KRTAP9-9: variants seen among roughly 807,000 people sequenced by gnomAD.
KRTAP9-9 encodes the protein keratin-associated protein 9-9.
In KRTAP9-9, 12 loss-of-function variants were observed where a neutral mutation model predicts 13.7. The ratio of observed to expected loss-of-function variants is 0.88; its 90% CI spans 0.56 to 1.42. The LOEUF is 1.42. KRTAP9-9 is among the 40% of genes most tolerant of loss of function. KRTAP9-9 has a pLI of 0.00. For synonymous variants in KRTAP9-9, 81 were observed against 78.1 expected, an observed-to-expected ratio of 1.04 and a Z score of -0.19; for missense variants, 194 against 206.5, an observed-to-expected ratio of 0.94 and a Z score of 0.37.
At chr17:41,256,307 T>A (rs1251659020) in exon 1 of KRTAP9-9, 3 of 252,770 alleles carry the variant, frequency 1.2e-5, no homozygotes, top group African/African-American at 6.9e-5. Context: ...TATCTCCCTA[T>A]AACCAGGGAT....
chr17:41,256,242 C>A (rs2016323466), exon 1 of KRTAP9-9: 1 of 419,452 alleles, frequency 2.4e-6, no homozygotes, highest in African/African-American at 2.0e-5. Flanking sequence ...GTTTTCTTTT[C>A]AATATACTCA....
exon 1 of KRTAP9-9, chr17:41,255,466 C>T (rs768312660): frequency 1.9e-6 from 3 of 1,588,698 alleles, no homozygotes; most frequent in South Asian, 2.2e-5. Context: ...TGACCACCTG[C>T]AGCAGCACAC....
chr17:41,255,972 C>A (rs2016316938), exon 1 of KRTAP9-9: 1 of 1,574,364 alleles, frequency 6.4e-7, no homozygotes, highest in Admixed American at 1.7e-5. Flanking sequence ...GACTAATTTA[C>A]CTTACTGCTG....
exon 1 of KRTAP9-9, chr17:41,255,401 T>C: frequency 1.6e-6 from 2 of 1,281,888 alleles, no homozygotes; most frequent in Middle Eastern, 3.1e-4. Flanking sequence ...CCACTGTTGC[T>C]CCCCTTGCTG....
exon 1 of KRTAP9-9, chr17:41,255,844 T>A (rs1333411250): frequency 1.2e-6 from 2 of 1,604,250 alleles, no homozygotes; most frequent in Non-Finnish European, 1.7e-6. Flanking sequence ...GCAGGACCAC[T>A]TGCTTCCAGC....
rs371272496 is a variant in KRTAP9-9, at chr17:41,255,694, C to T, written c.309C>T (p.Ser103=). Reference sequence around the variant, plus strand: ...GCTGTGGGTCCAGCTGTGGCCAGAGCAGCTCCTGTGCACCTGTGTACTGCA... The same window carrying T: ...GCTGTGGGTCCAGCTGTGGCCAGAGTAGCTCCTGTGCACCTGTGTACTGCA... Residue 103 remains serine, a synonymous_variant, in exon 1 of 1, where the codon AGC becomes AGT. Transcript: ENST00000394008. The T allele has an allele frequency of 1.9e-5, 31 of 1,613,778 alleles. No homozygotes were observed. In the African/African-American group the frequency reaches 3.5e-4, roughly 18 times the overall value.
chr17:41,256,243 A>T, exon 1 of KRTAP9-9: 1 of 416,984 alleles, frequency 2.4e-6, no homozygotes, highest in Non-Finnish European at 4.4e-6. Context: ...TTTTCTTTTC[A>T]ATATACTCAT....
chr17:41,255,555 G>T, exon 1 of KRTAP9-9: 2 of 1,613,844 alleles, frequency 1.2e-6, no homozygotes, highest in Non-Finnish European at 1.7e-6. Flanking sequence ...AACACCTGCT[G>T]CAGGACCACC....
exon 1 of KRTAP9-9, chr17:41,256,111 C>T (rs1455074018): frequency 1.2e-6 from 1 of 856,020 alleles, no homozygotes; most frequent in East Asian, 2.7e-5. Context: ...AATCATGTGC[C>T]AGCTTCATGT....
chr17:41,256,124 T>G (rs2016320302), exon 1 of KRTAP9-9: 1 of 785,576 alleles, frequency 1.3e-6, no homozygotes. Context: ...CTTCATGTGT[T>G]CTCAATTTTG....
chr17:41,255,828 C>T (rs374837374), exon 1 of KRTAP9-9: 119 of 1,613,366 alleles, frequency 7.4e-5, no homozygotes, highest in Non-Finnish European at 1.0e-4. Context: ...TGTGAGACCA[C>T]CTGCTGCAGG....
exon 1 of KRTAP9-9, chr17:41,255,537 G>C (rs746721867): frequency 2.2e-5 from 36 of 1,613,110 alleles, no homozygotes; most frequent in Non-Finnish European, 2.8e-5. Context: ...CGCCCAGCTT[G>C]CTGTCAAAAC....
exon 1 of KRTAP9-9, chr17:41,256,060 C>A (rs1381420187): frequency 5.7e-5 from 74 of 1,298,520 alleles, no homozygotes; most frequent in Non-Finnish European, 4.3e-6. Context: ...TGAGGGAGGG[C>A]AGAATACTTC....
exon 1 of KRTAP9-9, chr17:41,255,532 A>G (rs1163352437): frequency 6.2e-7 from 1 of 1,610,314 alleles, no homozygotes; most frequent in Non-Finnish European, 8.5e-7. Flanking sequence ...GCTGCCGCCC[A>G]GCTTGCTGTC....
exon 1 of KRTAP9-9, chr17:41,255,703 T>C: frequency 6.2e-7 from 1 of 1,613,690 alleles, no homozygotes. Context: ...GCAGCTCCTG[T>C]GCACCTGTGT....
At position 41,255,693 on chromosome 17, in the gene KRTAP9-9, G is replaced by C. The variant is rs558206578; in HGVS notation, c.308G>C (p.Ser103Thr). 2,094 of 1,613,712 alleles carry C rather than the reference G, an allele frequency of 1.3e-3. 26 individuals are homozygous for C. In the African/African-American group the frequency reaches 0.024, roughly 19 times the overall value. Residue 103 changes from serine to threonine, a missense_variant, in exon 1 of 1, where the codon AGC (serine) becomes ACC (threonine). Ser to Thr is a moderately conservative substitution (Grantham distance 58). Coordinates refer to ENST00000394008, the Ensembl canonical transcript of KRTAP9-9. ...AGCTGTGGGTCCAGCTGTGGCCAGA[G>C]CAGCTCCTGTGCACCTGTGTACTGC... is the stretch of plus-strand genomic sequence containing the variant.
chr17:41,256,067 C>A (rs2016319339), exon 1 of KRTAP9-9: 1 of 1,253,940 alleles, frequency 8.0e-7, no homozygotes, highest in East Asian at 2.4e-5. Context: ...GGGCAGAATA[C>A]TTCATCCTGA....
At chr17:41,255,574 G>C in exon 1 of KRTAP9-9, 1 of 1,613,672 alleles carries the variant, frequency 6.2e-7, no homozygotes. Context: ...CCTGCTGCCA[G>C]CCCACCTGTC....
At chr17:41,255,598 C>T (rs891248302) in exon 1 of KRTAP9-9, 20 of 1,613,634 alleles carry the variant, frequency 1.2e-5, no homozygotes, top group Non-Finnish European at 1.5e-5. Context: ...CCAGCTGCTG[C>T]CAGCCTTCCT....
Sources: allele counts gnomAD v4.1 joint callset, GRCh38; gene constraint gnomAD v4.1.1; transcripts MANE v1.5; gene names NCBI Gene and HGNC (gene_info 2026-07-23, HGNC 2026-07-21).